The following PHF24 variants were observed in gnomAD, a reference collection of about 807,000 sequenced individuals.
The protein encoded by PHF24 is PHD finger protein 24, also known as Galpha inhibitory interacting protein.
Under a neutral mutation model 42.6 loss-of-function variants are expected in PHF24, and 25 were observed. That is an observed-to-expected ratio of 0.59 (90% CI 0.43 to 0.82). PHF24 has a LOEUF of 0.82. Among genes scored for constraint, PHF24 ranks in the 40% least tolerant of loss-of-function variants. The pLI is 0.00. For missense variants in PHF24, 470 were observed against 538.1 expected (o/e 0.87, Z 1.25); for synonymous variants, 185 against 204.8 (o/e 0.90, Z 0.83).
chr9:34,888,356 T>C, the PHF24 span, among the ~76,000 whole-genome samples: 147,295 of 152,270 alleles, frequency 0.97, 71,304 homozygotes, highest in Non-Finnish European at 0.99. Flanking sequence ...GCATAGTGCC[T>C]GCCACATAGC....
At chr9:34,956,868 T>C (rs1826387025), upstream of PHF24, among the ~76,000 whole-genome samples, 1 of 152,254 alleles carries the variant, frequency 6.6e-6, no homozygotes. Flanking sequence ...TAGAACTCCA[T>C]ATATTAATGG....
chr9:34,909,767 A>G, the PHF24 span, among the ~76,000 whole-genome samples: 1,357 of 152,088 alleles, frequency 8.9e-3, 9 homozygotes, highest in Non-Finnish European at 0.014. Context: ...GACTACAGGC[A>G]TCCGCCACCA....
the PHF24 span, among the ~76,000 whole-genome samples, chr9:34,848,267 A>T: frequency 6.6e-6 from 1 of 151,630 alleles, no homozygotes; most frequent in Non-Finnish European, 1.5e-5. Context: ...GATTATTGCC[A>T]CAATTTCAGA....
chr9:34,702,505 T>C, the PHF24 span, among the ~76,000 whole-genome samples: 5 of 152,226 alleles, frequency 3.3e-5, no homozygotes, highest in Non-Finnish European at 5.9e-5. Flanking sequence ...TAACAGACTT[T>C]CTCTGGGGTG....
chr9:34,770,629 C>A, the PHF24 span, among the ~76,000 whole-genome samples: 2 of 151,644 alleles, frequency 1.3e-5, no homozygotes, highest in Non-Finnish European at 2.9e-5. Context: ...TTCATATTTG[C>A]CTATATTTTA....
chr9:34,918,248 G>GTGT, the PHF24 span: 3 of 1,487,350 alleles, frequency 2.0e-6, no homozygotes, highest in Non-Finnish European at 2.8e-6. Context: ...TCATCCGCAC[G>GTGT]TGTCTTCTCA....
chr9:34,894,090 A>G, the PHF24 span, among the ~76,000 whole-genome samples: 1 of 152,224 alleles, frequency 6.6e-6, no homozygotes, highest in Non-Finnish European at 1.5e-5. Flanking sequence ...AATAAAGAGA[A>G]TAAGACAGGG....
At chr9:34,708,034 G>A in the PHF24 span, among the ~76,000 whole-genome samples, 5 of 152,080 alleles carry the variant, frequency 3.3e-5, no homozygotes, top group African/African-American at 1.2e-4. Flanking sequence ...CCGGCCTTGA[G>A]GTTCCTACCT....
At chr9:34,675,159 G>A in the PHF24 span, among the ~76,000 whole-genome samples, 1 of 152,150 alleles carries the variant, frequency 6.6e-6, no homozygotes, top group African/African-American at 2.4e-5. Context: ...CGCTGGGCAG[G>A]TTTGTTTTCT....
chr9:34,717,381 T>C, the PHF24 span, among the ~76,000 whole-genome samples: 1 of 152,114 alleles, frequency 6.6e-6, no homozygotes, highest in Non-Finnish European at 1.5e-5. Context: ...TTCCCGAGGA[T>C]AACGTGGACT....
chr9:34,842,672 T>C, the PHF24 span, among the ~76,000 whole-genome samples: 1 of 152,214 alleles, frequency 6.6e-6, no homozygotes, highest in Admixed American at 6.5e-5. Context: ...AGCACCTCGA[T>C]CTTGTACATC....
At chr9:34,700,735 G>A in the PHF24 span, among the ~76,000 whole-genome samples, 1 of 152,176 alleles carries the variant, frequency 6.6e-6, no homozygotes, top group Admixed American at 6.5e-5. Flanking sequence ...CACCAAGAGA[G>A]TGAGTGTAGA....
chr9:34,724,360 G>A, the PHF24 span: 2 of 1,551,016 alleles, frequency 1.3e-6, no homozygotes, highest in Non-Finnish European at 1.7e-6. Context: ...GTTCTTTAAG[G>A]TGAACCCCTT....
chr9:34,841,200 C>T, the PHF24 span, among the ~76,000 whole-genome samples: 6 of 151,996 alleles, frequency 3.9e-5, no homozygotes, highest in Admixed American at 6.6e-5. Context: ...GGGATTTCAC[C>T]GTGTTAGCCA....
At chr9:34,890,329 G>C in the PHF24 span, among the ~76,000 whole-genome samples, 40 of 152,308 alleles carry the variant, frequency 2.6e-4, no homozygotes, top group Admixed American at 5.2e-4. Context: ...TGGGTCAACT[G>C]TTTTCTCTGC....
the PHF24 span, among the ~76,000 whole-genome samples, chr9:34,848,466 T>C: frequency 1.3e-5 from 2 of 152,158 alleles, no homozygotes; most frequent in African/African-American, 2.4e-5. Context: ...TCATTTTTTA[T>C]TGCGTCTATT....
At chr9:34,798,854 C>T in the PHF24 span, among the ~76,000 whole-genome samples, 1 of 152,202 alleles carries the variant, frequency 6.6e-6, no homozygotes, top group African/African-American at 2.4e-5. Context: ...TTCTCCACGG[C>T]CTTGCCAACA....
the PHF24 span, among the ~76,000 whole-genome samples, chr9:34,731,544 A>G: frequency 6.6e-6 from 1 of 152,296 alleles, no homozygotes; most frequent in African/African-American, 2.4e-5. Context: ...GAGTGAGAAC[A>G]TGCAAAATTA....
the PHF24 span, among the ~76,000 whole-genome samples, chr9:34,863,734 C>T: frequency 2.0e-5 from 3 of 152,192 alleles, no homozygotes. Context: ...AATACCGAGA[C>T]ACCAACAAAT....
Sources: allele counts gnomAD v4.1 joint callset (sites outside exome capture counted in the v4.1 genomes callset), GRCh38; gene constraint gnomAD v4.1.1; transcripts MANE v1.5; gene names NCBI Gene and HGNC (gene_info 2026-07-23, HGNC 2026-07-21).